The following KIAA1328 variants were observed in gnomAD, a reference collection of about 807,000 sequenced individuals.
KIAA1328 encodes protein hinderin.
A neutral mutation model predicts 68.1 loss-of-function variants in KIAA1328; 52 were observed. That is an observed-to-expected ratio of 0.76 (90% CI 0.61 to 0.96). KIAA1328 has a LOEUF of 0.96. Among genes scored for constraint, KIAA1328 ranks in the 40% least tolerant of loss-of-function variants. The pLI is 0.00. For synonymous variants in KIAA1328, 232 were observed against 239.4 expected (o/e 0.97, Z 0.28); for missense variants, 641 against 677.6 (o/e 0.95, Z 0.60).
intron 8 of KIAA1328, among the ~76,000 whole-genome samples, chr18:37,164,543 G>A (rs571410319): frequency 4.6e-5 from 7 of 152,248 alleles, no homozygotes; most frequent in South Asian, 4.1e-4. Flanking sequence ...TCAGGAATTC[G>A]AGACCAGCCT....
chr18:36,851,616 T>A (rs1179271579), intron 4 of KIAA1328, among the ~76,000 whole-genome samples: 3 of 152,146 alleles, frequency 2.0e-5, no homozygotes, highest in Non-Finnish European at 4.4e-5. Context: ...TATTCTCTTA[T>A]AATACTTTTT....
chr18:36,944,441 T>C (rs916491631), intron 5 of KIAA1328, among the ~76,000 whole-genome samples: 10 of 152,090 alleles, frequency 6.6e-5, no homozygotes, highest in African/African-American at 2.2e-4. Context: ...TAGCCAGGCA[T>C]GGTGGCGGGC....
In KIAA1328 at chr18:37,067,449, T is replaced by C. The variant is rs2056381618; in HGVS notation, c.1136T>C (p.Ile379Thr). 6.3e-7 allele frequency: 1 copy of C among 1,584,178 alleles called. No homozygotes were observed. The highest frequency in any genetic ancestry group is 1.3e-5 in the African/African-American group (1 of 74,336). The change falls in exon 7 of 10, where the codon ATT becomes ACT. Residue 379 changes from isoleucine to threonine, a missense_variant. By Grantham distance (89) the Ile-to-Thr change is moderately conservative (BLOSUM62 -1). Coordinates refer to ENST00000280020, the MANE Select transcript of KIAA1328 (RefSeq NM_020776.3). ...ATGCTTCAGAAAATGGAACTGGAAA[T>C]TGAAAAGGAGCGCCTTCAGCATCTG... ...QLMLQKMELE[I>T]EKERLQHLLA...
At chr18:37,195,371 T>C (rs1437114221) in intron 9 of KIAA1328, among the ~76,000 whole-genome samples, 4 of 152,224 alleles carry the variant, frequency 2.6e-5, no homozygotes, top group Admixed American at 6.5e-5. Context: ...TTTGAGGTTT[T>C]GCCCAAAAAA....
chr18:37,228,212 ACTT>A (rs573814165), downstream of KIAA1328, among the ~76,000 whole-genome samples: 38 of 152,358 alleles, frequency 2.5e-4, no homozygotes, highest in Non-Finnish European at 5.0e-4. Context: ...GATGGAATCT[ACTT>A]CTGATGAAGA....
chr18:36,927,842 A>T (rs987609493), intron 5 of KIAA1328, among the ~76,000 whole-genome samples: 6 of 151,784 alleles, frequency 4.0e-5, no homozygotes, highest in Non-Finnish European at 5.9e-5. Flanking sequence ...GGAAAGAAGG[A>T]AGGGAGGGAG....
chr18:37,208,045 G>T (rs1382695002), intron 9 of KIAA1328, among the ~76,000 whole-genome samples: 1 of 152,146 alleles, frequency 6.6e-6, no homozygotes, highest in East Asian at 1.9e-4. Context: ...CCGACCTTAG[G>T]TGATTTTCCT....
intron 1 of KIAA1328, among the ~76,000 whole-genome samples, chr18:36,831,123 G>A (rs771935524): frequency 1.3e-4 from 20 of 152,130 alleles, no homozygotes; most frequent in Non-Finnish European, 2.1e-4. Context: ...AGCCTTTATA[G>A]TAGAATTTTC....
intron 6 of KIAA1328, among the ~76,000 whole-genome samples, chr18:36,996,900 C>T (rs2053412869): frequency 6.6e-6 from 1 of 152,094 alleles, no homozygotes; most frequent in African/African-American, 2.4e-5. Context: ...TAGAAGTAAA[C>T]GTTTAGATCT....
intron 7 of KIAA1328, among the ~76,000 whole-genome samples, chr18:37,135,250 T>G (rs977212252): frequency 6.6e-6 from 1 of 152,182 alleles, no homozygotes; most frequent in Non-Finnish European, 1.5e-5. Flanking sequence ...GGTAGTGCTG[T>G]TTTAAGTTCT....
At chr18:36,974,295 A>AT (rs1158517374) in intron 6 of KIAA1328, among the ~76,000 whole-genome samples, 14 of 151,438 alleles carry the variant, frequency 9.2e-5, no homozygotes, top group East Asian at 5.8e-4. Flanking sequence ...TCATTGAGTA[A>AT]TTTTTTTTTA....
chr18:37,093,963 C>T (rs1044867546), intron 7 of KIAA1328, among the ~76,000 whole-genome samples: 2 of 152,170 alleles, frequency 1.3e-5, no homozygotes, highest in Admixed American at 6.5e-5. Context: ...AACAGAGCAG[C>T]GGTCTCATGA....
At chr18:37,048,793 G>A (rs2055577358) in intron 6 of KIAA1328, among the ~76,000 whole-genome samples, 1 of 152,096 alleles carries the variant, frequency 6.6e-6, no homozygotes, top group Non-Finnish European at 1.5e-5. Context: ...AACTGTGAGT[G>A]GCTGCTGGAA....
chr18:36,933,853 C>T (rs2050402996), intron 5 of KIAA1328, among the ~76,000 whole-genome samples: 2 of 152,216 alleles, frequency 1.3e-5, no homozygotes, highest in Admixed American at 6.5e-5. Context: ...AACCCCAATC[C>T]AGTGGAAGCC....
At chr18:37,209,483 T>G (rs2060275164) in intron 9 of KIAA1328, among the ~76,000 whole-genome samples, 1 of 152,174 alleles carries the variant, frequency 6.6e-6, no homozygotes, top group African/African-American at 2.4e-5. Context: ...TGTGTGTGTG[T>G]GTATTGAGTG....
At chr18:36,929,556 G>A (rs1054887416) in intron 5 of KIAA1328, among the ~76,000 whole-genome samples, 3 of 152,014 alleles carry the variant, frequency 2.0e-5, no homozygotes, top group African/African-American at 7.3e-5. Flanking sequence ...GTCATAGGTA[G>A]GTGTTATGCA....
At chr18:36,960,908 C>G (rs1288456665) in intron 6 of KIAA1328, among the ~76,000 whole-genome samples, 1 of 152,206 alleles carries the variant, frequency 6.6e-6, no homozygotes, top group African/African-American at 2.4e-5. Flanking sequence ...CTCCTCTTCT[C>G]CTCCAAAGGA....
intron 5 of KIAA1328, among the ~76,000 whole-genome samples, chr18:36,889,902 T>A (rs2048625487): frequency 1.3e-5 from 2 of 152,210 alleles, no homozygotes; most frequent in Non-Finnish European, 2.9e-5. Context: ...TGGTCTTTCC[T>A]CTGCTTTATC....
intron 4 of KIAA1328, among the ~76,000 whole-genome samples, chr18:36,872,703 A>C (rs2047988073): frequency 6.6e-6 from 1 of 152,238 alleles, no homozygotes. Flanking sequence ...TATGAGACAT[A>C]TGAAAAGTTA....
Sources: allele counts gnomAD v4.1 joint callset (sites outside exome capture counted in the v4.1 genomes callset), GRCh38; gene constraint gnomAD v4.1.1; transcripts MANE v1.5; gene names NCBI Gene and HGNC (gene_info 2026-07-23, HGNC 2026-07-21).